The following ROBO1 variants were observed in gnomAD, a reference collection of about 807,000 sequenced individuals.
ROBO1 encodes roundabout homolog 1.
A neutral mutation model predicts 195.9 loss-of-function variants in ROBO1; 149 were observed. That is an observed-to-expected ratio of 0.76 (90% CI 0.67 to 0.87). The LOEUF (loss-of-function observed/expected upper bound fraction) is 0.87. ROBO1 is among the 40% of genes least tolerant of loss of function. ROBO1 has a pLI of 0.00. For missense variants in ROBO1, 1,933 were observed against 2,068.3 expected, an observed-to-expected ratio of 0.93 and a Z score of 1.27; for synonymous variants, 816 against 733.2, an observed-to-expected ratio of 1.11 and a Z score of -1.82.
chr3:79,214,364 T>C (rs1435869243), intron 2 of ROBO1, among the ~76,000 whole-genome samples: 1 of 152,130 alleles, frequency 6.6e-6, no homozygotes, highest in Admixed American at 6.5e-5. Context: ...TGTAACCAAA[T>C]GTTGGGTCAC....
chr3:79,311,166 T>C (rs2033467817), intron 2 of ROBO1, among the ~76,000 whole-genome samples: 1 of 152,176 alleles, frequency 6.6e-6, no homozygotes, highest in Non-Finnish European at 1.5e-5. Context: ...GAACTTCTTA[T>C]TTAGTTGTGA....
chr3:78,847,656 T>C (rs1404075419), intron 4 of ROBO1, among the ~76,000 whole-genome samples: 1 of 152,126 alleles, frequency 6.6e-6, no homozygotes, highest in Non-Finnish European at 1.5e-5. Context: ...CCTTAACAAC[T>C]CAGTTAGGTA....
chr3:78,676,501 C>T (rs1708438670), intron 10 of ROBO1, among the ~76,000 whole-genome samples: 1 of 152,130 alleles, frequency 6.6e-6, no homozygotes, highest in South Asian at 2.1e-4. Flanking sequence ...GAGCTGAAAG[C>T]CAAAGCTCGA....
intron 1 of ROBO1, among the ~76,000 whole-genome samples, chr3:79,732,296 T>G (rs1703186188): frequency 6.6e-6 from 1 of 151,892 alleles, no homozygotes; most frequent in African/African-American, 2.4e-5. Flanking sequence ...TGAGACTAGA[T>G]CAGTCATTAC....
intron 2 of ROBO1, among the ~76,000 whole-genome samples, chr3:79,531,867 G>T (rs746579631): frequency 3.3e-5 from 5 of 152,062 alleles, no homozygotes; most frequent in African/African-American, 4.8e-5. Flanking sequence ...GAATTTAAAA[G>T]CATAAATCAA....
intron 3 of ROBO1, among the ~76,000 whole-genome samples, chr3:79,000,776 T>C (rs982796430): frequency 1.3e-5 from 2 of 152,204 alleles, no homozygotes; most frequent in South Asian, 2.1e-4. Flanking sequence ...ACTGGGTATA[T>C]ACCCAAAGGA....
intron 3 of ROBO1, among the ~76,000 whole-genome samples, chr3:79,078,720 A>G (rs1306646710): frequency 6.6e-6 from 1 of 151,820 alleles, no homozygotes; most frequent in Admixed American, 6.6e-5. Context: ...ACAGTTTATA[A>G]AGCACTTTCC....
At chr3:78,682,334 CTG>C (rs1265454019) in intron 10 of ROBO1, among the ~76,000 whole-genome samples, 2 of 151,032 alleles carry the variant, frequency 1.3e-5, no homozygotes, top group East Asian at 3.9e-4. Flanking sequence ...AGACATAAAA[CTG>C]TTTTTATGTG....
At chr3:79,377,335 T>G (rs551708979) in intron 2 of ROBO1, among the ~76,000 whole-genome samples, 17 of 152,338 alleles carry the variant, frequency 1.1e-4, no homozygotes, top group African/African-American at 4.1e-4. Flanking sequence ...TTTTCTCCAA[T>G]AATTTCTTGA....
At chr3:79,333,955 CT>C (rs1410891954) in intron 2 of ROBO1, among the ~76,000 whole-genome samples, 1 of 152,136 alleles carries the variant, frequency 6.6e-6, no homozygotes, top group Non-Finnish European at 1.5e-5. Context: ...ACAAAACTCT[CT>C]TTTACGTTCT....
chr3:79,715,167 A>G (rs1702435151), intron 1 of ROBO1, among the ~76,000 whole-genome samples: 1 of 152,116 alleles, frequency 6.6e-6, no homozygotes, highest in Non-Finnish European at 1.5e-5. Flanking sequence ...TGTTGAAATG[A>G]CAACAAAGGA....
intron 21 of ROBO1, among the ~76,000 whole-genome samples, chr3:78,641,862 T>A (rs1480263308): frequency 6.6e-6 from 1 of 152,212 alleles, no homozygotes; most frequent in Non-Finnish European, 1.5e-5. Flanking sequence ...ATATGAGTGA[T>A]TTCCAACAGG....
chr3:78,659,581 C>T (rs1707248346), intron 17 of ROBO1, 105 bp downstream of exon 17: 5 of 796,022 alleles, frequency 6.3e-6, no homozygotes, highest in Non-Finnish European at 1.7e-6. Flanking sequence ...TTTGGACCAG[C>T]AGATGGCGCC....
At chr3:78,704,661 C>CAAAAAA (rs1160098731) in intron 8 of ROBO1, among the ~76,000 whole-genome samples, 19 of 61,670 alleles carry the variant, frequency 3.1e-4, no homozygotes, top group African/African-American at 9.0e-4. Flanking sequence ...CTCATCTCTC[C>CAAAAAA]AAAAAAAAAA....
chr3:79,218,035 TAGA>T (rs1186352545), intron 2 of ROBO1, among the ~76,000 whole-genome samples: 4 of 151,856 alleles, frequency 2.6e-5, no homozygotes, highest in African/African-American at 4.8e-5. Flanking sequence ...TCTTATATTT[TAGA>T]AGATTATATA....
intron 2 of ROBO1, among the ~76,000 whole-genome samples, chr3:79,222,624 TA>T (rs935464052): frequency 2.1e-4 from 31 of 145,842 alleles, no homozygotes; most frequent in African/African-American, 4.2e-4. Flanking sequence ...AAAAGATCTT[TA>T]AAAAAAAAAA....
chr3:79,653,468 G>C (rs890246676), intron 1 of ROBO1, among the ~76,000 whole-genome samples: 1 of 151,806 alleles, frequency 6.6e-6, no homozygotes, highest in Non-Finnish European at 1.5e-5. Context: ...TATGTCAGGG[G>C]ATTTTTTTTC....
At chr3:78,657,814 G>A (rs983276759) in intron 17 of ROBO1, among the ~76,000 whole-genome samples, 7 of 152,186 alleles carry the variant, frequency 4.6e-5, no homozygotes, top group African/African-American at 1.7e-4. Context: ...GTAGTTGATT[G>A]AAAAGGAAGG....
At chr3:79,533,152 C>T (rs1474352063) in intron 2 of ROBO1, 11 of 416,808 alleles carry the variant, frequency 2.6e-5, no homozygotes, top group Admixed American at 8.5e-5. Flanking sequence ...AATATGGAGG[C>T]TGCAGAAAAG....
Sources: allele counts gnomAD v4.1 joint callset (sites outside exome capture counted in the v4.1 genomes callset), GRCh38; gene constraint gnomAD v4.1.1; transcripts MANE v1.5; gene names NCBI Gene and HGNC (gene_info 2026-07-23, HGNC 2026-07-21).